Variants in MAP7 observed in about 807,000 individuals in gnomAD.
MAP7 encodes the protein microtubule associated protein 7, also known as ensconsin.
MAP7 carries 52 observed loss-of-function variants against 94.8 expected under a neutral mutation model. That is an observed-to-expected ratio of 0.55 (90% CI 0.44 to 0.69). The LOEUF (loss-of-function observed/expected upper bound fraction) is 0.69, where lower values mean the gene tolerates loss of function less well. MAP7 is among the 30% of genes least tolerant of loss of function. The pLI, the probability that MAP7 is intolerant of heterozygous loss-of-function variation, is 0.00. For missense variants in MAP7, 940 were observed against 964.6 expected (o/e 0.97, Z 0.34); for synonymous variants, 350 against 357.0 (o/e 0.98, Z 0.22).
chr6:136,546,158 G>A (rs1020479606), intron 1 of MAP7, among the ~76,000 whole-genome samples: 4 of 151,930 alleles, frequency 2.6e-5, no homozygotes, highest in South Asian at 2.1e-4. Context: ...AACTATAAGC[G>A]TGCGCCACCA....
rs765629222 is a variant in MAP7 at position 136,345,996 on chromosome 6, A to G, written c.2099T>C (p.Ile700Thr). Residue 700 changes from isoleucine to threonine, a missense_variant, in exon 17 of 18, where the codon ATT (isoleucine) becomes ACT (threonine). Transcript: ENST00000354570. ...ENFEEIINLPIGSKPSRLDVT... is the reference protein window; with the variant it reads ...ENFEEIINLPTGSKPSRLDVT... The stretch of plus-strand genomic sequence containing the variant: ...ATCTAATCTGGATGGTTTAGATCCA[A>G]TGGGTAAGTTTATAATTTCTTCAAA... The G allele has an allele frequency of 2.2e-5, 35 of 1,613,184 alleles. No homozygotes were observed. The highest frequency in any genetic ancestry group is 2.9e-5 in the Non-Finnish European group (34 of 1,179,218).
intron 1 of MAP7, among the ~76,000 whole-genome samples, chr6:136,498,342 G>C (rs181718980): frequency 1.1e-3 from 160 of 152,172 alleles, no homozygotes; most frequent in African/African-American, 3.7e-3. Flanking sequence ...CCCGTACATA[G>C]AGTAGCACAA....
chr6:136,389,973 G>A (rs1208121962), intron 3 of MAP7, among the ~76,000 whole-genome samples: 1 of 152,176 alleles, frequency 6.6e-6, no homozygotes, highest in Non-Finnish European at 1.5e-5. Context: ...GATGAAAGAT[G>A]TCTGAAGTGC....
chr6:136,520,471 A>C (rs1355719942), intron 1 of MAP7, among the ~76,000 whole-genome samples: 3 of 152,320 alleles, frequency 2.0e-5, no homozygotes, highest in Admixed American at 1.3e-4. Flanking sequence ...ATAATGTTCC[A>C]TTTACTCTGA....
chr6:136,354,541 T>C (rs987043398), intron 16 of MAP7, among the ~76,000 whole-genome samples: 9 of 150,676 alleles, frequency 6.0e-5, no homozygotes, highest in African/African-American at 2.2e-4. Context: ...ATGGATTTCA[T>C]ATTAGGCTTA....
intron 7 of MAP7, among the ~76,000 whole-genome samples, chr6:136,373,195 T>A (rs1775079397): frequency 6.6e-6 from 1 of 152,232 alleles, no homozygotes; most frequent in South Asian, 2.1e-4. Flanking sequence ...AGTGAACAAG[T>A]CTTACCAGGT....
intron 1 of MAP7, among the ~76,000 whole-genome samples, chr6:136,459,841 TG>T (rs1183610549): frequency 6.6e-6 from 1 of 152,178 alleles, no homozygotes; most frequent in Non-Finnish European, 1.5e-5. Context: ...ATGATGCCTA[TG>T]GTTAATGATC....
intron 3 of MAP7, among the ~76,000 whole-genome samples, chr6:136,397,161 A>C (rs1299668172): frequency 6.6e-6 from 1 of 152,236 alleles, no homozygotes; most frequent in Non-Finnish European, 1.5e-5. Context: ...GTGAGTGCAA[A>C]CTTATTGCTA....
intron 1 of MAP7, among the ~76,000 whole-genome samples, chr6:136,510,333 A>G (rs1381988398): frequency 6.6e-6 from 1 of 151,980 alleles, no homozygotes; most frequent in East Asian, 1.9e-4. Flanking sequence ...TCACAGTAAC[A>G]CTCCACAGAC....
intron 1 of MAP7, among the ~76,000 whole-genome samples, chr6:136,482,374 G>A (rs1813117097): frequency 6.6e-6 from 1 of 152,168 alleles, no homozygotes; most frequent in South Asian, 2.1e-4. Context: ...CAAGGAGGGT[G>A]GATCACCTGA....
chr6:136,362,621 G>A lies in MAP7; in HGVS notation c.1355C>T (p.Ala452Val), dbSNP rs371826258. The change falls in exon 11 of 18, where the codon GCC becomes GTC. Residue 452 changes from alanine to valine, a missense_variant. By Grantham distance (64) the Ala-to-Val change is moderately conservative. Coordinates refer to ENST00000354570, the MANE Select transcript of MAP7 (RefSeq NM_003980.6). Reference protein sequence around the residue: ...APAPAPVPTPAMVSAPSSTVN... With the variant: ...APAPAPVPTPVMVSAPSSTVN... Reference sequence around the variant, plus strand: ...AGTGGATGACGGGGCTGAGACCATGGCTGGGGTGGGGACCGGGGCTGGAGC... The same window carrying A: ...AGTGGATGACGGGGCTGAGACCATGACTGGGGTGGGGACCGGGGCTGGAGC... 32 of 1,613,318 alleles carry A rather than the reference G, an allele frequency of 2.0e-5. No homozygotes were observed. Among genetic ancestry groups the A allele is most frequent in the African/African-American group, 2.7e-5 (2 of 74,910 alleles).
chr6:136,499,098 T>G (rs923461426), intron 1 of MAP7, among the ~76,000 whole-genome samples: 2 of 152,058 alleles, frequency 1.3e-5, no homozygotes, highest in Non-Finnish European at 2.9e-5. Context: ...TTTTGTATTA[T>G]TAGTAGACAT....
At chr6:136,414,252 C>CAGAAAAAAAAAA (rs1788553683) in intron 2 of MAP7, among the ~76,000 whole-genome samples, 1 of 15,932 alleles carries the variant, frequency 6.3e-5, no homozygotes. Context: ...GACTCCGTCT[C>CAGAAAAAAAAAA]AAAAAAAAAA....
At chr6:136,459,252 A>G (rs1031662573) in intron 1 of MAP7, among the ~76,000 whole-genome samples, 1 of 152,106 alleles carries the variant, frequency 6.6e-6, no homozygotes, top group Non-Finnish European at 1.5e-5. Flanking sequence ...CAACAAAAAA[A>G]GATGGCCAGT....
At chr6:136,423,111 C>T (rs1166695801) in intron 1 of MAP7, among the ~76,000 whole-genome samples, 1 of 152,162 alleles carries the variant, frequency 6.6e-6, no homozygotes, top group Admixed American at 6.5e-5. Context: ...AGGTGTTTAA[C>T]AAGTATTCAA....
At chr6:136,381,481 TA>T (rs1460505235) in intron 6 of MAP7, among the ~76,000 whole-genome samples, 1 of 152,166 alleles carries the variant, frequency 6.6e-6, no homozygotes, top group African/African-American at 2.4e-5. Flanking sequence ...TGCCTGGCCT[TA>T]AATTTCTAAA....
chr6:136,430,954 G>C (rs6926583), intron 1 of MAP7, among the ~76,000 whole-genome samples: 112,129 of 152,114 alleles, frequency 0.74, 42,525 homozygotes, highest in Middle Eastern at 0.85. Context: ...GTGGTCCACC[G>C]GTTACCACTG....
chr6:136,549,492 G>A (rs1049005299), intron 1 of MAP7, among the ~76,000 whole-genome samples: 1 of 152,040 alleles, frequency 6.6e-6, no homozygotes, highest in Non-Finnish European at 1.5e-5. Flanking sequence ...GCGGGGTTGG[G>A]AAGCCTTGCT....
intron 3 of MAP7, among the ~76,000 whole-genome samples, chr6:136,394,401 AAC>A (rs1781703624): frequency 6.6e-6 from 1 of 151,942 alleles, no homozygotes; most frequent in South Asian, 2.1e-4. Flanking sequence ...TATTTTTTAT[AAC>A]CAGTTACCTA....
Sources: allele counts gnomAD v4.1 joint callset (sites outside exome capture counted in the v4.1 genomes callset), GRCh38; gene constraint gnomAD v4.1.1; transcripts MANE v1.5; gene names NCBI Gene and HGNC (gene_info 2026-07-23, HGNC 2026-07-21).